Variants in ZNF385D observed in about 807,000 individuals in gnomAD.
ZNF385D encodes the protein zinc finger protein 385D.
In ZNF385D, 15 loss-of-function variants were observed where a neutral mutation model predicts 35.8. The ratio of observed to expected loss-of-function variants is 0.42; its 90% CI spans 0.28 to 0.64. The LOEUF is 0.64. Ranked by LOEUF, ZNF385D falls within the 30% of genes least tolerant of loss-of-function variation. ZNF385D has a pLI of 0.23. For synonymous variants in ZNF385D, 212 were observed against 186.8 expected, an observed-to-expected ratio of 1.13 and a Z score of -1.10; for missense variants, 474 against 494.6, an observed-to-expected ratio of 0.96 and a Z score of 0.39.
At chr3:21,903,319 C>T (rs913827550) in intron 3 of ZNF385D, among the ~76,000 whole-genome samples, 6 of 152,220 alleles carry the variant, frequency 3.9e-5, no homozygotes, top group Non-Finnish European at 7.4e-5. Flanking sequence ...AGACTTACTT[C>T]AGGGATCACA....
chr3:21,827,516 T>G (rs991244703), intron 3 of ZNF385D, among the ~76,000 whole-genome samples: 1 of 152,206 alleles, frequency 6.6e-6, no homozygotes, highest in Non-Finnish European at 1.5e-5. Flanking sequence ...TTAAGTTTAC[T>G]TATACGTCAA....
At chr3:21,960,271 A>G (rs1394803170) in intron 3 of ZNF385D, among the ~76,000 whole-genome samples, 1 of 151,708 alleles carries the variant, frequency 6.6e-6, no homozygotes, top group Non-Finnish European at 1.5e-5. Context: ...GTGGCAGAGG[A>G]TCTAAATAAA....
chr3:22,044,247 G>A (rs936678241), intron 3 of ZNF385D, among the ~76,000 whole-genome samples: 1 of 151,992 alleles, frequency 6.6e-6, no homozygotes, highest in African/African-American at 2.4e-5. Flanking sequence ...TTTACTCAAA[G>A]GTGATAACTT....
intron 3 of ZNF385D, among the ~76,000 whole-genome samples, chr3:21,890,774 A>G (rs1291053134): frequency 1.3e-5 from 2 of 152,186 alleles, no homozygotes; most frequent in Non-Finnish European, 2.9e-5. Flanking sequence ...AGAATTGCTG[A>G]TGGGAAGGGG....
intron 3 of ZNF385D, among the ~76,000 whole-genome samples, chr3:21,968,443 G>T (rs2125334436): frequency 6.6e-6 from 1 of 152,222 alleles, no homozygotes; most frequent in East Asian, 1.9e-4. Flanking sequence ...GAAGCCAAGG[G>T]AGTGCTTGAG....
At chr3:21,777,925 G>A (rs1450242237) in intron 3 of ZNF385D, 1 of 151,842 alleles carries the variant, frequency 6.6e-6, no homozygotes, top group African/African-American at 2.4e-5. Flanking sequence ...ATAAGAAGCG[G>A]AATTGTCCAG....
At chr3:21,746,105 C>G (rs888007628) in intron 1 of ZNF385D, among the ~76,000 whole-genome samples, 1 of 152,130 alleles carries the variant, frequency 6.6e-6, no homozygotes, top group Non-Finnish European at 1.5e-5. Flanking sequence ...ATCAACGGAG[C>G]GTTCAGTCAA....
intron 2 of ZNF385D, among the ~76,000 whole-genome samples, chr3:22,249,676 C>A (rs1394831390): frequency 6.6e-6 from 1 of 152,154 alleles, no homozygotes; most frequent in African/African-American, 2.4e-5. Flanking sequence ...AACTGAAGAG[C>A]AACAGCAGCA....
chr3:21,455,110 T>C (rs1702711909), intron 4 of ZNF385D, among the ~76,000 whole-genome samples: 1 of 152,080 alleles, frequency 6.6e-6, no homozygotes, highest in Admixed American at 6.6e-5. Flanking sequence ...GGAAGAACAT[T>C]CCACGCTCAT....
At chr3:21,467,482 C>A (rs1343698170) in intron 4 of ZNF385D, among the ~76,000 whole-genome samples, 2 of 152,094 alleles carry the variant, frequency 1.3e-5, no homozygotes, top group Non-Finnish European at 2.9e-5. Context: ...TAGTTTAAGG[C>A]ATTTTTGTAA....
At chr3:22,035,289 T>C (rs1020838592) in intron 3 of ZNF385D, among the ~76,000 whole-genome samples, 2 of 152,208 alleles carry the variant, frequency 1.3e-5, no homozygotes, top group Non-Finnish European at 2.9e-5. Flanking sequence ...GCATTTAAAT[T>C]ATGAGAAACA....
At chr3:22,140,401 G>A (rs563466334) in intron 3 of ZNF385D, among the ~76,000 whole-genome samples, 4 of 152,138 alleles carry the variant, frequency 2.6e-5, no homozygotes, top group Non-Finnish European at 5.9e-5. Context: ...GGAACAGGCC[G>A]AGGTTGGGGA....
intron 4 of ZNF385D, among the ~76,000 whole-genome samples, chr3:21,463,251 A>G (rs1703296252): frequency 1.3e-5 from 2 of 152,112 alleles, no homozygotes; most frequent in South Asian, 2.1e-4. Context: ...CAGATACTAC[A>G]TTCAATATGA....
intron 2 of ZNF385D, among the ~76,000 whole-genome samples, chr3:22,321,645 A>T (rs1386131291): frequency 2.0e-5 from 3 of 152,104 alleles, no homozygotes; most frequent in Non-Finnish European, 4.4e-5. Flanking sequence ...GATTACAAGC[A>T]TGAGCCACCG....
chr3:22,191,537 G>A (rs1207787437), intron 2 of ZNF385D, among the ~76,000 whole-genome samples: 1 of 151,592 alleles, frequency 6.6e-6, no homozygotes, highest in East Asian at 1.9e-4. Flanking sequence ...TCACTTAGAG[G>A]TGTTACTAGA....
intron 3 of ZNF385D, among the ~76,000 whole-genome samples, chr3:21,820,990 A>G (rs1453751239): frequency 6.6e-6 from 1 of 152,066 alleles, no homozygotes. Context: ...TAAAAAAATT[A>G]AAACCCTCAA....
At chr3:21,980,062 T>A (rs1694340933) in intron 3 of ZNF385D, among the ~76,000 whole-genome samples, 1 of 152,150 alleles carries the variant, frequency 6.6e-6, no homozygotes, top group Admixed American at 6.6e-5. Context: ...TGGACTTCCT[T>A]TTTACTTCTT....
intron 4 of ZNF385D, among the ~76,000 whole-genome samples, chr3:21,506,468 A>G (rs913339710): frequency 2.6e-5 from 4 of 152,232 alleles, no homozygotes; most frequent in African/African-American, 9.6e-5. Flanking sequence ...AATCAAAAGT[A>G]AAGAAAGATC....
chr3:21,623,965 A>C (rs1211349580), intron 2 of ZNF385D, among the ~76,000 whole-genome samples: 1 of 152,136 alleles, frequency 6.6e-6, no homozygotes, highest in Non-Finnish European at 1.5e-5. Context: ...ATCAGGTTGT[A>C]TTGAGAAAGG....
Sources: gnomAD v4.1 joint callset for allele counts (sites outside exome capture counted in the v4.1 genomes callset) on GRCh38, gnomAD v4.1.1 for gene constraint, MANE v1.5 for transcripts, NCBI Gene and HGNC (gene_info 2026-07-23, HGNC 2026-07-21) for gene names.